CDK8: variants seen among roughly 807,000 people sequenced by gnomAD.
CDK8 encodes the protein cyclin-dependent kinase 8.
A neutral mutation model predicts 71.5 loss-of-function variants in CDK8; 29 were observed. The observed-to-expected ratio is 0.41, with a 90% confidence interval of 0.30 to 0.55. The LOEUF (loss-of-function observed/expected upper bound fraction) is 0.55. CDK8 is among the 20% of genes least tolerant of loss of function. The pLI is 0.37. For synonymous variants in CDK8, 161 were observed against 192.1 expected, an observed-to-expected ratio of 0.84 and a Z score of 1.34; for missense variants, 288 against 572.6, an observed-to-expected ratio of 0.50 and a Z score of 5.07.
intron 4 of CDK8, among the ~76,000 whole-genome samples, chr13:26,373,027 G>A (rs1227826734): frequency 1.3e-5 from 2 of 152,092 alleles, no homozygotes; most frequent in East Asian, 3.9e-4. Context: ...TACCACTTCA[G>A]AGCCTTCTTG....
At chr13:26,340,577 T>A (rs188325153) in intron 2 of CDK8, among the ~76,000 whole-genome samples, 44 of 152,342 alleles carry the variant, frequency 2.9e-4, no homozygotes, top group Admixed American at 2.4e-3. Context: ...CCATGTTTTC[T>A]GGCAAGTTTT....
intron 1 of CDK8, among the ~76,000 whole-genome samples, chr13:26,267,141 T>C (rs1872056312): frequency 6.6e-6 from 1 of 151,984 alleles, no homozygotes. Context: ...AGATGATACA[T>C]ATGCATATAT....
At chr13:26,277,525 C>T (rs1311694138) in intron 1 of CDK8, among the ~76,000 whole-genome samples, 9 of 152,096 alleles carry the variant, frequency 5.9e-5, no homozygotes, top group Admixed American at 5.9e-4. Context: ...AGAACTAGAG[C>T]AGGTTTGGAG....
Position 26,254,592 on chromosome 13 carries a change from C to T in CDK8, c.-50C>T, listed in dbSNP as rs1377310986. 1 of 1,228,854 alleles carries T rather than the reference C, an allele frequency of 8.1e-7. No individual in the cohort carries two copies. The highest frequency in any genetic ancestry group is 1.1e-6 in the Non-Finnish European group (1 of 869,742). The allele number at this position is 1,228,854 out of a possible 1,614,324, so 76.1% of individuals were successfully genotyped here. On this transcript the variant is annotated 5_prime_UTR_variant, in exon 1 of 13. Transcript: ENST00000381527. This position sits in a 1 kb window ranked among gnomAD's most constrained non-coding sequence, Gnocchi z 6.7. ...TGCCCGTGCTTCCCCGGTCCCCACC[C>T]CTGCCCCCCGGCCCCCCGACCCAGC...
chr13:26,335,338 C>T (rs1342633833), intron 1 of CDK8, among the ~76,000 whole-genome samples: 1 of 152,316 alleles, frequency 6.6e-6, no homozygotes, highest in East Asian at 1.9e-4. Context: ...CCTCACTAGA[C>T]CTCTCTGCAG....
At chr13:26,276,131 G>T (rs534023182) in intron 1 of CDK8, among the ~76,000 whole-genome samples, 42 of 152,294 alleles carry the variant, frequency 2.8e-4, no homozygotes, top group Admixed American at 2.7e-3. Context: ...AAAGTGCTGG[G>T]ATTACAGGCG....
chr13:26,327,455 A>G (rs1875069214), intron 1 of CDK8, among the ~76,000 whole-genome samples: 1 of 152,204 alleles, frequency 6.6e-6, no homozygotes. Flanking sequence ...ACCTAAGTCT[A>G]GAAGGGTTTT....
At position 26,265,667 on chromosome 13, in the gene CDK8, C is replaced by G. The variant is rs566819159; in HGVS notation, c.128+10898C>G. ...ATCCTTTGCAGCTGCCACTGAGTAG[C>G]ATGCACAAAGACATGAAGGAAAGAT... On this transcript the variant is annotated intron_variant, in intron 1 of 12. Transcript: ENST00000381527. 3.3e-5 allele frequency among the ~76,000 whole-genome samples: 5 copies of G among 152,178 alleles called. No individual in the cohort carries two copies. In the East Asian group the frequency reaches 9.7e-4, roughly 29 times the overall value.
rs7331132 is a variant in CDK8, at chr13:26,309,064, A to G, written c.129-28503A>G. ...ATCAGCATTTTCCTGTACTTACGAC[A>G]GTGCTAGGAACATAGTATTTAGTAA... On this transcript the variant is annotated intron_variant, in intron 1 of 12. Transcript: ENST00000381527. 6.7e-3 allele frequency among the ~76,000 whole-genome samples: 1,015 copies of G among 152,318 alleles called. 15 individuals carry two copies. Among genetic ancestry groups the G allele is most frequent in the African/African-American group, 0.022 (933 of 41,568 alleles).
intron 4 of CDK8, among the ~76,000 whole-genome samples, chr13:26,372,158 A>G (rs2138029646): frequency 6.6e-6 from 1 of 152,322 alleles, no homozygotes; most frequent in Non-Finnish European, 1.5e-5. Flanking sequence ...TTAATCTCTC[A>G]GAACACAGTA....
At chr13:26,397,358 C>G (rs1459999737) in intron 9 of CDK8, 133 bp downstream of exon 9, 8 of 600,688 alleles carry the variant, frequency 1.3e-5, no homozygotes, top group Non-Finnish European at 2.1e-5. Flanking sequence ...ATGCAGAGAT[C>G]TTGTTAGTGC....
chr13:26,266,948 TA>T (rs1872048435), intron 1 of CDK8, among the ~76,000 whole-genome samples: 2 of 152,228 alleles, frequency 1.3e-5, no homozygotes, highest in South Asian at 4.1e-4. Flanking sequence ...AATGTATTCT[TA>T]AAACCCTAAC....
intron 1 of CDK8, among the ~76,000 whole-genome samples, chr13:26,306,195 C>T (rs184993601): frequency 3.3e-4 from 50 of 152,284 alleles, no homozygotes; most frequent in Admixed American, 2.6e-3. Flanking sequence ...GACTGCTCTT[C>T]AGGGTCTCAA....
chr13:26,371,893 C>G (rs931007078), intron 4 of CDK8, among the ~76,000 whole-genome samples: 1 of 152,110 alleles, frequency 6.6e-6, no homozygotes, highest in Non-Finnish European at 1.5e-5. Flanking sequence ...GCTGAGATTA[C>G]GAGCATGAGC....
intron 1 of CDK8, among the ~76,000 whole-genome samples, chr13:26,309,371 C>T (rs1398480680): frequency 1.3e-5 from 2 of 152,106 alleles, no homozygotes; most frequent in Non-Finnish European, 2.9e-5. Flanking sequence ...GATCTCCTGA[C>T]CTTGTGATCC....
intron 1 of CDK8, among the ~76,000 whole-genome samples, chr13:26,285,844 A>G (rs551470584): frequency 1.3e-5 from 2 of 152,312 alleles, no homozygotes; most frequent in African/African-American, 4.8e-5. Context: ...AACACCAACA[A>G]TAACAAAGCC....
chr13:26,385,188 AT>A (rs745772708), intron 5 of CDK8, 22 bp from the exon 6 acceptor site: 3,255 of 1,414,284 alleles, frequency 2.3e-3, no homozygotes, highest in South Asian at 3.3e-3. Context: ...ACTTAGCATG[AT>A]TTTTTTTTTA....
rs1227264485 is a variant in CDK8 at position 26,404,875 on chromosome 13, G to C, written c.*794G>C. ...GTGTTTTATTTTTCCTGTTGGTGTTGCTGATTTGTGAGCATGCTTTAAGAT... is the reference window on the plus strand; with the variant it reads ...GTGTTTTATTTTTCCTGTTGGTGTTCCTGATTTGTGAGCATGCTTTAAGAT... On this transcript the variant is annotated 3_prime_UTR_variant, in exon 13 of 13. Transcript: ENST00000381527. 1 of 213,302 alleles carries C rather than the reference G, an allele frequency of 4.7e-6. No individual in the cohort carries two copies. Among genetic ancestry groups the C allele is most frequent in the African/African-American group, 2.3e-5 (1 of 44,226 alleles). The allele number at this position is 213,302 out of a possible 1,614,324, so 13.2% of individuals were successfully genotyped here.
intron 1 of CDK8, among the ~76,000 whole-genome samples, chr13:26,316,468 G>C (rs1162890889): frequency 6.6e-6 from 1 of 152,106 alleles, no homozygotes; most frequent in African/African-American, 2.4e-5. Flanking sequence ...GTCACTTCTG[G>C]CAGATTTTAA....
Sources: gnomAD v4.1 joint callset for allele counts (sites outside exome capture counted in the v4.1 genomes callset) on GRCh38, gnomAD v4.1.1 for gene constraint, Gnocchi (gnomAD v3.1) non-coding constraint, MANE v1.5 for transcripts, NCBI Gene and HGNC (gene_info 2026-07-23, HGNC 2026-07-21) for gene names.